Variants in AGMO observed in about 807,000 individuals in gnomAD.
The protein encoded by AGMO is glyceryl-ether monooxygenase.
Under a neutral mutation model 60.2 loss-of-function variants are expected in AGMO, and 75 were observed. The ratio of observed to expected loss-of-function variants is 1.25; its 90% confidence interval spans 1.03 to 1.51. The LOEUF is 1.51. Among genes scored for constraint, AGMO ranks in the 40% most tolerant of loss-of-function variants. AGMO has a pLI of 0.00. For missense variants in AGMO, 763 were observed against 525.5 expected, an observed-to-expected ratio of 1.45 and a Z score of -4.42; for synonymous variants, 261 against 177.1, an observed-to-expected ratio of 1.47 and a Z score of -3.76.
intron 3 of AGMO, among the ~76,000 whole-genome samples, chr7:15,529,293 C>T (rs1243924851): frequency 6.6e-6 from 1 of 150,912 alleles, no homozygotes; most frequent in Non-Finnish European, 1.5e-5. Flanking sequence ...ATGTACCACC[C>T]TATAATATTT....
intron 12 of AGMO, among the ~76,000 whole-genome samples, chr7:15,344,028 T>C (rs1781947754): frequency 6.6e-6 from 1 of 152,178 alleles, no homozygotes; most frequent in Admixed American, 6.5e-5. Flanking sequence ...ATTTTGGAAC[T>C]TAAAAATAGA....
chr7:15,208,955 T>C (rs1313825832), intron 12 of AGMO, among the ~76,000 whole-genome samples: 1 of 152,236 alleles, frequency 6.6e-6, no homozygotes, highest in Non-Finnish European at 1.5e-5. Context: ...TACTACACTT[T>C]TCTAATACCT....
chr7:15,493,371 T>A (rs1470391384), intron 3 of AGMO, among the ~76,000 whole-genome samples: 1 of 90,700 alleles, frequency 1.1e-5, no homozygotes, highest in Non-Finnish European at 2.1e-5. Context: ...ACTTCTTTTT[T>A]TTTTTTTTTT....
chr7:15,352,151 G>T (rs1782264660), intron 12 of AGMO, among the ~76,000 whole-genome samples: 1 of 152,148 alleles, frequency 6.6e-6, no homozygotes, highest in Admixed American at 6.5e-5. Flanking sequence ...CCATTTCACG[G>T]ACTGTTAGGG....
intron 2 of AGMO, among the ~76,000 whole-genome samples, chr7:15,551,967 C>G (rs984277313): frequency 6.6e-6 from 1 of 151,794 alleles, no homozygotes; most frequent in African/African-American, 2.4e-5. Context: ...GGTACCAAAA[C>G]AGAGATATAG....
At chr7:15,301,683 G>C (rs558552696) in intron 12 of AGMO, among the ~76,000 whole-genome samples, 1 of 152,032 alleles carries the variant, frequency 6.6e-6, no homozygotes, top group African/African-American at 2.4e-5. Context: ...TAATAGAAAT[G>C]TTTTAATTTT....
At chr7:15,297,889 G>T (rs62450300) in intron 12 of AGMO, among the ~76,000 whole-genome samples, 241 of 152,148 alleles carry the variant, frequency 1.6e-3, no homozygotes, top group Non-Finnish European at 2.9e-3. Context: ...AAATAGCCAG[G>T]AAGGCTATTC....
chr7:15,407,939 G>A (rs957162984), intron 5 of AGMO, among the ~76,000 whole-genome samples: 1 of 151,754 alleles, frequency 6.6e-6, no homozygotes, highest in African/African-American at 2.4e-5. Flanking sequence ...AACAGAGCTC[G>A]TGCTCCTAAC....
At chr7:15,160,076 A>G in the AGMO span, among the ~76,000 whole-genome samples, 1 of 152,218 alleles carries the variant, frequency 6.6e-6, no homozygotes, top group Non-Finnish European at 1.5e-5. Flanking sequence ...GCCAAATCCC[A>G]AAGTTCTCTT....
chr7:15,354,393 T>TACACGTGTGTGTAC lies in AGMO; in HGVS notation c.1263+11107_1263+11120dup, dbSNP rs1378742407. 1.4e-3 allele frequency among the ~76,000 whole-genome samples: 57 copies of TACACGTGTGTGTAC among 41,080 alleles called. 4 individuals carry two copies. The highest frequency in any genetic ancestry group is 2.2e-3 in the Admixed American group (11 of 4,922). The allele number at this position is 41,080 out of a possible 152,430, so 27.0% of individuals were successfully genotyped here. ...AGACGTGTGTATACACGTGTGTGTA[T>TACACGTGTGTGTAC]ACACGTGTGTGTACACACGTGTGTG... On this transcript the variant is annotated intron_variant, in intron 12 of 12. Coordinates refer to ENST00000342526, the MANE Select transcript of AGMO (RefSeq NM_001004320.2).
chr7:15,303,671 T>C (rs762620405), intron 12 of AGMO, among the ~76,000 whole-genome samples: 24 of 151,994 alleles, frequency 1.6e-4, no homozygotes, highest in Non-Finnish European at 3.2e-4. Flanking sequence ...GTGAGGAATA[T>C]GAAGGTGCTA....
chr7:15,234,657 C>A (rs1036648150), intron 12 of AGMO, among the ~76,000 whole-genome samples: 1 of 152,128 alleles, frequency 6.6e-6, no homozygotes, highest in African/African-American at 2.4e-5. Context: ...CTTAGCAGGC[C>A]ATATGGTCTT....
chr7:15,545,014 C>T (rs1033288028), intron 2 of AGMO, 91 bp from the exon 3 acceptor site: 2 of 912,386 alleles, frequency 2.2e-6, no homozygotes, highest in African/African-American at 3.5e-5. Flanking sequence ...AAATTAATAT[C>T]TTCATATAAA....
intron 12 of AGMO, among the ~76,000 whole-genome samples, chr7:15,354,327 T>TACGCGTGTATATAC (rs1214124138): frequency 6.2e-5 from 2 of 32,236 alleles, no homozygotes; most frequent in South Asian, 1.2e-3. Flanking sequence ...TGTATATACG[T>TACGCGTGTATATAC]ACGCGTGTAT....
rs772284524 is a variant in AGMO at position 15,385,494 on chromosome 7, C to T, written c.1026G>A (p.Gln342=). 1.9e-6 allele frequency: 3 copies of T among 1,613,056 alleles called. No homozygotes were observed. Among genetic ancestry groups the T allele is most frequent in the South Asian group, 1.1e-5 (1 of 90,994 alleles). Residue 342 remains glutamine (Q), a synonymous_variant, in exon 10 of 13, where the codon CAG becomes CAA. Coordinates refer to ENST00000342526, the MANE Select transcript of AGMO (RefSeq NM_001004320.2). The part of the protein sequence containing the change: ...SQLLKIYTVV[Q]FALMLAFYEE... ...CATAAAATGCCAACATCAGAGCAAA[C>T]TGTACAACTGTATATATCTTTAATA... is the stretch of plus-strand genomic sequence containing the variant.
chr7:15,253,776 A>G (rs1338041758), intron 12 of AGMO, among the ~76,000 whole-genome samples: 1 of 152,160 alleles, frequency 6.6e-6, no homozygotes, highest in Non-Finnish European at 1.5e-5. Context: ...CTACTGTGCA[A>G]TAGAGTACCA....
chr7:15,428,563 A>T (rs1477563941), intron 4 of AGMO, among the ~76,000 whole-genome samples: 1 of 152,142 alleles, frequency 6.6e-6, no homozygotes, highest in Non-Finnish European at 1.5e-5. Flanking sequence ...AGAAACCAAG[A>T]CAGAGATTAC....
chr7:15,203,898 C>G (rs568484345), intron 12 of AGMO, among the ~76,000 whole-genome samples: 1 of 151,998 alleles, frequency 6.6e-6, no homozygotes, highest in African/African-American at 2.4e-5. Context: ...GTAGTCATCA[C>G]CTAGATTTTC....
chr7:15,322,660 A>T lies in AGMO; in HGVS notation c.1263+42854T>A, dbSNP rs1471797024. Among the ~76,000 whole-genome samples, 15 of 81,748 alleles carry T rather than the reference A, an allele frequency of 1.8e-4. 1 individual carries two copies. The highest frequency in any genetic ancestry group is 9.0e-4 in the African/African-American group (15 of 16,676). The allele number at this position is 81,748 out of a possible 152,430, so 53.6% of individuals were successfully genotyped here. A position where few individuals can be genotyped will look rare whatever the true frequency, so the allele number is the denominator to read the frequency against. On this transcript the variant is annotated intron_variant, in intron 12 of 12. Transcript: ENST00000342526. ...TATATAAATATATAAATATATATAT[A>T]AATATATATAAATATATGTATATAT...
Sources: gnomAD v4.1 joint callset for allele counts (sites outside exome capture counted in the v4.1 genomes callset) on GRCh38, gnomAD v4.1.1 for gene constraint, MANE v1.5 for transcripts, NCBI Gene and HGNC (gene_info 2026-07-23, HGNC 2026-07-21) for gene names.